BNC2: variants seen among roughly 807,000 people sequenced by gnomAD.
BNC2 encodes the protein zinc finger protein basonuclin-2.
In BNC2, 20 loss-of-function variants were observed where a neutral mutation model predicts 76.3. The observed-to-expected ratio is 0.26, with a 90% CI of 0.18 to 0.38. BNC2 has a LOEUF of 0.38. Among genes scored for constraint, BNC2 ranks in the 10% least tolerant of loss-of-function variants. The pLI, the probability that BNC2 is intolerant of heterozygous loss-of-function variation, is 1.00. For missense variants in BNC2, 1,382 were observed against 1,399.8 expected (o/e 0.99, Z 0.20); for synonymous variants, 582 against 514.8 (o/e 1.13, Z -1.77).
intron 3 of BNC2, among the ~76,000 whole-genome samples, chr9:16,688,658 A>G (rs1250393642): frequency 1.3e-5 from 2 of 152,220 alleles, no homozygotes; most frequent in African/African-American, 4.8e-5. Context: ...ATGATTGTAT[A>G]TGTTGCTTTA....
chr9:16,753,328 C>T (rs1362186083), intron 1 of BNC2, among the ~76,000 whole-genome samples: 1 of 152,084 alleles, frequency 6.6e-6, no homozygotes, highest in Admixed American at 6.5e-5. Context: ...TAAATTACTG[C>T]AATAAATCAT....
At chr9:16,857,354 G>T (rs1819284387) in intron 1 of BNC2, among the ~76,000 whole-genome samples, 1 of 151,844 alleles carries the variant, frequency 6.6e-6, no homozygotes, top group Non-Finnish European at 1.5e-5. Flanking sequence ...GCAGGCACCT[G>T]TAATCCCAGC....
At chr9:16,492,192 G>A (rs1044346044) in intron 5 of BNC2, among the ~76,000 whole-genome samples, 1 of 151,712 alleles carries the variant, frequency 6.6e-6, no homozygotes, top group Non-Finnish European at 1.5e-5. Flanking sequence ...CACATGGTGT[G>A]GGCAAGACAA....
At chr9:16,660,927 AG>A (rs1267858835) in intron 3 of BNC2, among the ~76,000 whole-genome samples, 1 of 152,186 alleles carries the variant, frequency 6.6e-6, no homozygotes, top group Non-Finnish European at 1.5e-5. Flanking sequence ...GCCATTTATA[AG>A]GAACTAAACC....
rs144391884 is a variant in BNC2 at position 16,713,960 on chromosome 9, G to C, written c.330+13837C>G. On this transcript the variant is annotated intron_variant, in intron 3 of 6. Coordinates refer to ENST00000380672, the MANE Select transcript of BNC2 (RefSeq NM_017637.6). The stretch of plus-strand genomic sequence containing the variant: ...CATGGTGGCGTGTATCTATATTCCA[G>C]GTACTCCAGAGACTGAGGTAAGAGG... Among the ~76,000 whole-genome samples the C allele has an allele frequency of 2.9e-3, 440 of 152,210 alleles. 1 individual carries two copies. Among genetic ancestry groups the C allele is most frequent in the Middle Eastern group, 0.027 (8 of 294 alleles).
chr9:16,499,365 G>C (rs1252086486), intron 5 of BNC2, among the ~76,000 whole-genome samples: 1 of 151,874 alleles, frequency 6.6e-6, no homozygotes, highest in Non-Finnish European at 1.5e-5. Context: ...TTAATCTACT[G>C]TTAATTAATT....
chr9:16,794,232 G>A (rs796104442), intron 1 of BNC2, among the ~76,000 whole-genome samples: 13 of 152,100 alleles, frequency 8.5e-5, no homozygotes, highest in African/African-American at 3.1e-4. Flanking sequence ...TATTCCAGAT[G>A]GGAAACTCTC....
chr9:16,725,329 TCACA>T (rs1258925821), intron 3 of BNC2, among the ~76,000 whole-genome samples: 1 of 151,554 alleles, frequency 6.6e-6, no homozygotes, highest in Admixed American at 6.6e-5. Flanking sequence ...ATACTTTCAC[TCACA>T]TAGTTTGAAC....
intron 3 of BNC2, among the ~76,000 whole-genome samples, chr9:16,715,188 G>C (rs1430527806): frequency 6.6e-6 from 1 of 152,150 alleles, no homozygotes; most frequent in Non-Finnish European, 1.5e-5. Flanking sequence ...ATTATTTTCA[G>C]AATTCAGAAA....
chr9:16,677,606 C>CAG (rs1822691179), intron 3 of BNC2, among the ~76,000 whole-genome samples: 3 of 151,402 alleles, frequency 2.0e-5, no homozygotes, highest in African/African-American at 7.3e-5. Context: ...CACACACACA[C>CAG]AGTAGCAATA....
At chr9:16,665,710 A>G (rs1484745960) in intron 3 of BNC2, among the ~76,000 whole-genome samples, 1 of 152,224 alleles carries the variant, frequency 6.6e-6, no homozygotes, top group Non-Finnish European at 1.5e-5. Context: ...AACAAAATTT[A>G]TTTCCTCTGA....
chr9:16,434,107 A>G (rs1820956322), intron 6 of BNC2, among the ~76,000 whole-genome samples: 1 of 152,170 alleles, frequency 6.6e-6, no homozygotes, highest in Admixed American at 6.5e-5. Flanking sequence ...TGGGGGTGGG[A>G]AAATCATTAA....
chr9:16,659,679 G>C (rs894348606), intron 3 of BNC2, among the ~76,000 whole-genome samples: 8 of 151,290 alleles, frequency 5.3e-5, no homozygotes, highest in Non-Finnish European at 1.2e-4. Flanking sequence ...CTCTCTGCTA[G>C]AATATTCTTC....
chr9:16,771,136 T>G (rs1200595313), intron 1 of BNC2, among the ~76,000 whole-genome samples: 1 of 152,088 alleles, frequency 6.6e-6, no homozygotes, highest in Non-Finnish European at 1.5e-5. Flanking sequence ...ACTACTGCTC[T>G]CCAGCCTGGG....
At chr9:16,711,616 T>C (rs1039500694) in intron 3 of BNC2, among the ~76,000 whole-genome samples, 1 of 152,244 alleles carries the variant, frequency 6.6e-6, no homozygotes, top group Non-Finnish European at 1.5e-5. Context: ...CTGAGCTTAA[T>C]GCAAACTATT....
In BNC2 at chr9:16,825,323, A is replaced by T. The variant is rs532233221; in HGVS notation, c.3+45323T>A. On this transcript the variant is annotated intron_variant, in intron 1 of 6. Transcript: ENST00000380672. ...AAATCAAAATTTATTTCAGTACAGTAGAGTTCTGAAATCCCTATTCTCCTC... is the reference window on the plus strand; with the variant it reads ...AAATCAAAATTTATTTCAGTACAGTTGAGTTCTGAAATCCCTATTCTCCTC... 1.1e-4 allele frequency among the ~76,000 whole-genome samples: 16 copies of T among 152,298 alleles called. No individual in the cohort carries two copies. The South Asian group carries it at 3.1e-3, about 30-fold the overall frequency.
chr9:16,698,032 A>C (rs1363966053), intron 3 of BNC2, among the ~76,000 whole-genome samples: 1 of 152,200 alleles, frequency 6.6e-6, no homozygotes, highest in East Asian at 1.9e-4. Context: ...CTGTGGGCCA[A>C]ATGCTATCCT....
intron 5 of BNC2, among the ~76,000 whole-genome samples, chr9:16,444,322 A>T (rs1190924789): frequency 6.6e-6 from 1 of 152,190 alleles, no homozygotes; most frequent in Non-Finnish European, 1.5e-5. Context: ...TGGGGTGTGT[A>T]ATCATAAAAC....
chr9:16,511,105 C>CTTTTTTT (rs34511398), intron 5 of BNC2, among the ~76,000 whole-genome samples: 1 of 125,220 alleles, frequency 8.0e-6, no homozygotes, highest in Non-Finnish European at 1.6e-5. Flanking sequence ...ACTAAACTTA[C>CTTTTTTT]TTTTTTTTTT....
Sources: allele counts gnomAD v4.1 joint callset (sites outside exome capture counted in the v4.1 genomes callset), GRCh38; gene constraint gnomAD v4.1.1; transcripts MANE v1.5; gene names NCBI Gene and HGNC (gene_info 2026-07-23, HGNC 2026-07-21).